The following PRKAG2 variants were observed in gnomAD, a reference collection of about 807,000 sequenced individuals.
The protein encoded by PRKAG2 is protein kinase AMP-activated non-catalytic subunit gamma 2, also known as 5'-AMP-activated protein kinase subunit gamma-2.
In PRKAG2, 26 loss-of-function variants were observed where a neutral mutation model predicts 69.6. The ratio of observed to expected loss-of-function variants is 0.37; its 90% CI spans 0.27 to 0.52. PRKAG2 has a LOEUF of 0.52. PRKAG2 is among the 20% of genes least tolerant of loss of function. The pLI is 0.90. For synonymous variants in PRKAG2, 293 were observed against 285.0 expected (o/e 1.03, Z -0.28); for missense variants, 557 against 740.0 (o/e 0.75, Z 2.87).
chr7:151,797,585 A>C (rs976662532), intron 1 of PRKAG2, among the ~76,000 whole-genome samples: 5 of 152,202 alleles, frequency 3.3e-5, no homozygotes, highest in African/African-American at 1.2e-4. Context: ...AGAGCCATAC[A>C]TCAAAAGATT....
chr7:151,729,184 C>A (rs1798509295), intron 3 of PRKAG2, among the ~76,000 whole-genome samples: 1 of 151,652 alleles, frequency 6.6e-6, no homozygotes, highest in Non-Finnish European at 1.5e-5. Flanking sequence ...GGCGGGCGGG[C>A]CTCACCAAAT....
chr7:151,777,456 G>A lies in PRKAG2; in HGVS notation c.466+3696C>T, dbSNP rs1045739633. ...GGGGCAGATGCCTCATGAATGGCTG[G>A]GTTGCCTCCCTGCGGCAGTGAGTCC... On this transcript the variant is annotated intron_variant, in intron 3 of 15. Transcript: ENST00000287878. This position sits in a 1 kb window ranked among gnomAD's most constrained non-coding sequence, Gnocchi z 4.3. Among the ~76,000 whole-genome samples, 4 of 152,160 alleles carry A rather than the reference G, an allele frequency of 2.6e-5. No individual in the cohort carries two copies. Among genetic ancestry groups the A allele is most frequent in the African/African-American group, 9.7e-5 (4 of 41,428 alleles).
chr7:151,639,525 C>T (rs1415256097), intron 4 of PRKAG2, among the ~76,000 whole-genome samples: 4 of 152,138 alleles, frequency 2.6e-5, no homozygotes, highest in African/African-American at 4.8e-5. Flanking sequence ...TGTGGGCGGG[C>T]GCCATCTAAT....
At chr7:151,697,336 G>A (rs571323908) in intron 3 of PRKAG2, among the ~76,000 whole-genome samples, 1 of 152,158 alleles carries the variant, frequency 6.6e-6, no homozygotes, top group Non-Finnish European at 1.5e-5. Flanking sequence ...CGCTGCAAGT[G>A]GGCATGCTGG....
At chr7:151,594,349 T>C (rs1014140532) in intron 6 of PRKAG2, among the ~76,000 whole-genome samples, 2 of 152,226 alleles carry the variant, frequency 1.3e-5, no homozygotes, top group African/African-American at 4.8e-5. Flanking sequence ...GTAGAAACAA[T>C]ACACTAAATG....
chr7:151,854,778 C>A (rs1186538786), intron 1 of PRKAG2, among the ~76,000 whole-genome samples: 1 of 152,110 alleles, frequency 6.6e-6, no homozygotes, highest in Non-Finnish European at 1.5e-5. Context: ...ACAACGGCCT[C>A]AAGAAGGGAG....
At chr7:151,611,354 G>A (rs988307411) in intron 5 of PRKAG2, among the ~76,000 whole-genome samples, 2 of 152,174 alleles carry the variant, frequency 1.3e-5, no homozygotes, top group South Asian at 2.1e-4. Flanking sequence ...TGCTTGCTGC[G>A]GTTTCAAAGG....
chr7:151,876,677 C>T lies in PRKAG2; in HGVS notation c.-57G>A. 2 of 1,522,436 alleles carry T rather than the reference C, an allele frequency of 1.3e-6. No individual in the cohort carries two copies. The highest frequency in any genetic ancestry group is 1.8e-6 in the Non-Finnish European group (2 of 1,111,738). The allele number at this position is 1,522,436 out of a possible 1,614,324, so 94.3% of individuals were successfully genotyped here. ...CCTCGGGGGTTCGGTCCCCTCCTTC[C>T]CTCCCCCGGCCGCTGCCTTCGGACT... On this transcript the variant is annotated 5_prime_UTR_variant, in exon 1 of 16. Transcript: ENST00000287878.
At chr7:151,745,875 T>C (rs917054787) in intron 3 of PRKAG2, among the ~76,000 whole-genome samples, 1 of 152,158 alleles carries the variant, frequency 6.6e-6, no homozygotes, top group Non-Finnish European at 1.5e-5. Flanking sequence ...CTGGCAACCC[T>C]GCAGTCGCTC....
At chr7:151,652,534 G>A (rs868230643) in intron 4 of PRKAG2, among the ~76,000 whole-genome samples, 1 of 151,240 alleles carries the variant, frequency 6.6e-6, no homozygotes, top group Non-Finnish European at 1.5e-5. Context: ...TTCTTTTCTT[G>A]TTTTGCTAAT....
rs2076027686 is a variant in PRKAG2, at chr7:151,771,648, A to G, written c.466+9504T>C. On this transcript the variant is annotated intron_variant, in intron 3 of 15. Transcript: ENST00000287878. The surrounding 1 kb of genome is among the most constrained non-coding windows in gnomAD (Gnocchi z 4.0). ...AGTCATTCGCTTCACTGGTTTGTAA[A>G]TATCTTTGTACATTAGGGATATTAG... Among the ~76,000 whole-genome samples the G allele has an allele frequency of 6.6e-6, 1 of 152,186 alleles. No homozygotes were observed. The highest frequency in any genetic ancestry group is 1.5e-5 in the Non-Finnish European group (1 of 68,048).
intron 3 of PRKAG2, among the ~76,000 whole-genome samples, chr7:151,773,028 AGAGAG>A (rs1563639395): frequency 0.048 from 2,406 of 50,134 alleles, 161 homozygotes; most frequent in East Asian, 0.076. Flanking sequence ...AAAGAAAGAG[AGAGAG>A]AGAGAGAGAG....
intron 1 of PRKAG2, among the ~76,000 whole-genome samples, chr7:151,816,031 C>T (rs916462128): frequency 2.6e-5 from 4 of 152,124 alleles, no homozygotes; most frequent in African/African-American, 7.2e-5. Flanking sequence ...ATGTGGATGA[C>T]GTATTCAGGA....
chr7:151,844,578 A>G (rs1213476496), intron 1 of PRKAG2, among the ~76,000 whole-genome samples: 2 of 152,256 alleles, frequency 1.3e-5, no homozygotes, highest in Non-Finnish European at 2.9e-5. Context: ...AAGAGATACG[A>G]AACGTAGAAC....
chr7:151,774,183 G>A (rs948476921), intron 3 of PRKAG2, among the ~76,000 whole-genome samples: 2 of 152,112 alleles, frequency 1.3e-5, no homozygotes, highest in Admixed American at 6.5e-5. Context: ...GCCACACTAC[G>A]AATCCTCACG....
chr7:151,720,012 A>T (rs1432312117), intron 3 of PRKAG2, among the ~76,000 whole-genome samples: 1 of 152,060 alleles, frequency 6.6e-6, no homozygotes, highest in Admixed American at 6.5e-5. Flanking sequence ...GTCTGTGAGC[A>T]CCCCCAGGGG....
chr7:151,795,341 G>A (rs895286756), intron 1 of PRKAG2, among the ~76,000 whole-genome samples: 1 of 152,144 alleles, frequency 6.6e-6, no homozygotes, highest in South Asian at 2.1e-4. Flanking sequence ...ACCAGCAGCA[G>A]GCAGCCTCCC....
At chr7:151,581,773 G>A (rs1487888993) in intron 6 of PRKAG2, among the ~76,000 whole-genome samples, 1 of 151,962 alleles carries the variant, frequency 6.6e-6, no homozygotes, top group Non-Finnish European at 1.5e-5. Flanking sequence ...CAAAAGCAGG[G>A]GTTTAAGTTT....
chr7:151,773,148 G>A lies in PRKAG2; in HGVS notation c.466+8004C>T, dbSNP rs560018788. ...GAAAGGAAGGAAAGAAGGGAAGAAA[G>A]GAAGGAAGGAAGGGAAGCAAGGAAG... On this transcript the variant is annotated intron_variant, in intron 3 of 15. Coordinates refer to ENST00000287878, the MANE Select transcript of PRKAG2 (RefSeq NM_016203.4). 5.7e-5 allele frequency among the ~76,000 whole-genome samples: 8 copies of A among 139,206 alleles called. No homozygotes were observed. In the East Asian group the frequency reaches 1.6e-3, roughly 28 times the overall value. 91.3% of individuals were successfully genotyped at this position (139,206 alleles called of 152,430 possible).
Sources: gnomAD v4.1 joint callset for allele counts (sites outside exome capture counted in the v4.1 genomes callset) on GRCh38, gnomAD v4.1.1 for gene constraint, Gnocchi (gnomAD v3.1) non-coding constraint, MANE v1.5 for transcripts, NCBI Gene and HGNC (gene_info 2026-07-23, HGNC 2026-07-21) for gene names.